Variants in KCNQ1 observed in about 807,000 individuals in gnomAD.
KCNQ1 encodes potassium voltage-gated channel subfamily Q member 1.
A neutral mutation model predicts 72.4 loss-of-function variants in KCNQ1; 49 were observed. The ratio of observed to expected loss-of-function variants is 0.68; its 90% CI spans 0.54 to 0.86. KCNQ1 has a LOEUF of 0.86. KCNQ1 is among the 40% of genes least tolerant of loss of function. The pLI, the probability that KCNQ1 is intolerant of heterozygous loss-of-function variation, is 0.00. For synonymous variants in KCNQ1, 450 were observed against 412.6 expected, an observed-to-expected ratio of 1.09 and a Z score of -1.10; for missense variants, 790 against 945.1, an observed-to-expected ratio of 0.84 and a Z score of 2.15.
At chr11:2,551,144 T>C (rs1489484495) in intron 2 of KCNQ1, among the ~76,000 whole-genome samples, 4 of 152,166 alleles carry the variant, frequency 2.6e-5, no homozygotes, top group Non-Finnish European at 4.4e-5. Flanking sequence ...ACAGGAAAAC[T>C]CTCCCCCTCT....
Position 2,813,685 on chromosome 11 carries a change from C to T in KCNQ1, c.1795-34082C>T, listed in dbSNP as rs534403570. On this transcript the variant is annotated intron_variant, in intron 15 of 15. Transcript: ENST00000155840. The surrounding 1 kb of genome is among the most constrained non-coding windows in gnomAD (Gnocchi z 4.4). ...TTTAGTCGGTGGTGGGCTGTCACTC[C>T]GGAGGCCAGTGACTGCGTCATCAGT... 4.6e-5 allele frequency among the ~76,000 whole-genome samples: 7 copies of T among 152,184 alleles called. No individual in the cohort carries two copies. Among genetic ancestry groups the T allele is most frequent in the South Asian group, 4.1e-4 (2 of 4,822 alleles).
rs61517390 is a variant in KCNQ1 at position 2,824,775 on chromosome 11, CCCTGGGTT to C, written c.1795-22989_1795-22982del. On this transcript the variant is annotated intron_variant, in intron 15 of 15. Coordinates refer to ENST00000155840, the MANE Select transcript of KCNQ1 (RefSeq NM_000218.3). This position sits in a 1 kb window ranked among gnomAD's most constrained non-coding sequence, Gnocchi z 5.9. ...GGGACAGCTTTGAGGAAGGAACGTC[CCCTGGGTT>C]CCACACCACAGAGCCATAGAATTCT... 0.2 allele frequency among the ~76,000 whole-genome samples: 30,545 copies of C among 151,988 alleles called. 3,347 individuals are homozygous for C. The highest frequency in any genetic ancestry group is 0.26 in the Non-Finnish European group (17,700 of 67,874).
Position 2,848,503 on chromosome 11 carries a change from G to A in KCNQ1, c.*500G>A, listed in dbSNP as rs1331485407. On this transcript the variant is annotated 3_prime_UTR_variant, in exon 16 of 16. Transcript: ENST00000155840. ...GGCCGCCGGCAATAAAAGCCCAGGA[G>A]CCCATTTGGAGGGCCTGGGCCTGGC... 2.2e-6 allele frequency: 1 copy of A among 455,722 alleles called. No individual in the cohort carries two copies. The highest frequency in any genetic ancestry group is 1.6e-5 in the South Asian group (1 of 64,482). The allele number at this position is 455,722 out of a possible 1,614,324, so 28.2% of individuals were successfully genotyped here.
chr11:2,569,234 C>T (rs1253635110), intron 2 of KCNQ1, among the ~76,000 whole-genome samples: 4 of 152,324 alleles, frequency 2.6e-5, no homozygotes, highest in South Asian at 2.1e-4. Flanking sequence ...TGCACCTGTC[C>T]GCACACACCC....
chr11:2,680,104 C>T (rs182330668), intron 11 of KCNQ1: 10 of 395,362 alleles, frequency 2.5e-5, no homozygotes, highest in Non-Finnish European at 4.4e-5. Flanking sequence ...GTTGGCCAGG[C>T]TGGTCTCAAA....
At chr11:2,719,704 C>T (rs67886747) in intron 11 of KCNQ1, among the ~76,000 whole-genome samples, 2 of 152,014 alleles carry the variant, frequency 1.3e-5, no homozygotes, top group Admixed American at 1.3e-4. Context: ...GTAGGAAGTC[C>T]TGCCCTCGGA....
intron 2 of KCNQ1, among the ~76,000 whole-genome samples, chr11:2,560,695 C>T (rs1848151970): frequency 6.6e-6 from 1 of 152,106 alleles, no homozygotes; most frequent in Non-Finnish European, 1.5e-5. Context: ...GGGAGGGAGA[C>T]ACACCTGTCC....
intron 6 of KCNQ1, among the ~76,000 whole-genome samples, chr11:2,574,927 G>A (rs776581485): frequency 2.0e-5 from 3 of 152,070 alleles, no homozygotes; most frequent in Non-Finnish European, 2.9e-5. Flanking sequence ...GCCCCCCTGC[G>A]GGAGCCTGCC....
rs75159634 is a variant in KCNQ1 at position 2,772,570 on chromosome 11, G to A, written c.1591-3390G>A. Among the ~76,000 whole-genome samples the A allele has an allele frequency of 3.1e-3, 473 of 152,242 alleles. 4 individuals carry two copies. Among genetic ancestry groups the A allele is most frequent in the African/African-American group, 0.011 (449 of 41,532 alleles). ...AGTCTCTGTGGGCTGGGATGCCACCGGGCCGTGGGTCCTCATGGTCTGCGG... is the reference window on the plus strand; with the variant it reads ...AGTCTCTGTGGGCTGGGATGCCACCAGGCCGTGGGTCCTCATGGTCTGCGG... On this transcript the variant is annotated intron_variant, in intron 12 of 15. Transcript: ENST00000155840. This position sits in a 1 kb window ranked among gnomAD's most constrained non-coding sequence, Gnocchi z 6.6.
intron 10 of KCNQ1, chr11:2,643,349 G>A (rs1379603119): frequency 2.5e-6 from 1 of 398,256 alleles, no homozygotes; most frequent in Non-Finnish European, 4.4e-6. Context: ...GGTGTTGGGT[G>A]CATATATGTT....
intron 1 of KCNQ1, among the ~76,000 whole-genome samples, chr11:2,522,075 G>A (rs950087467): frequency 1.3e-5 from 2 of 152,216 alleles, no homozygotes; most frequent in African/African-American, 2.4e-5. Flanking sequence ...AAATGATGTC[G>A]GATAATTCAC....
rs1357407853 is a variant in KCNQ1, at chr11:2,724,948, C to T, written c.1515-43896C>T. Among the ~76,000 whole-genome samples, 1 of 152,168 alleles carries T rather than the reference C, an allele frequency of 6.6e-6. No individual in the cohort carries two copies. The highest frequency in any genetic ancestry group is 1.5e-5 in the Non-Finnish European group (1 of 68,042). On this transcript the variant is annotated intron_variant, in intron 11 of 15. Coordinates refer to ENST00000155840, the MANE Select transcript of KCNQ1 (RefSeq NM_000218.3). The surrounding 1 kb of genome is among the most constrained non-coding windows in gnomAD (Gnocchi z 6.8). ...AGTAACCTGGACAGGGTGCCGAGGG[C>T]AGGGTCTGGTGTGGCTATCAGGAGC...
intron 15 of KCNQ1, among the ~76,000 whole-genome samples, chr11:2,838,560 C>T (rs765775370): frequency 5.3e-5 from 8 of 152,072 alleles, no homozygotes; most frequent in Non-Finnish European, 1.0e-4. Context: ...CTTCCGGGGA[C>T]AGCGAGGGGT....
rs540416603 is a variant in KCNQ1 at position 2,666,418 on chromosome 11, C to T, written c.1514+4337C>T. 141 of 398,652 alleles carry T rather than the reference C, an allele frequency of 3.5e-4. 1 individual carries two copies. The highest frequency in any genetic ancestry group is 2.5e-3 in the African/African-American group (120 of 48,750). 24.7% of individuals were successfully genotyped at this position (398,652 alleles called of 1,614,324 possible). On this transcript the variant is annotated intron_variant, in intron 11 of 15. Coordinates refer to ENST00000155840, the MANE Select transcript of KCNQ1 (RefSeq NM_000218.3). ...CCTTGAGCAAAAACAGCCCCGTGTG[C>T]GTTAATTAGAATTTCCATGTCTTCA...
rs1462482019 is a variant in KCNQ1, at chr11:2,483,172, T to C, written c.386+37688T>C. On this transcript the variant is annotated intron_variant, in intron 1 of 15. Transcript: ENST00000155840. The surrounding 1 kb of genome is among the most constrained non-coding windows in gnomAD (Gnocchi z 6.1). Reference sequence around the variant, plus strand: ...CTGTGTTGGGAACGTGCTTGGTGCATGTGAAGAACTGTGCAGGGAAGGTGC... The same window carrying C: ...CTGTGTTGGGAACGTGCTTGGTGCACGTGAAGAACTGTGCAGGGAAGGTGC... Among the ~76,000 whole-genome samples the C allele has an allele frequency of 3.9e-5, 6 of 152,062 alleles. No homozygotes were observed. The highest frequency in any genetic ancestry group is 8.8e-5 in the Non-Finnish European group (6 of 68,014).
rs956278325 is a variant in KCNQ1 at position 2,565,391 on chromosome 11, G to A, written c.478-5237G>A. On this transcript the variant is annotated intron_variant, in intron 2 of 15. Transcript: ENST00000155840. The surrounding 1 kb of genome is among the most constrained non-coding windows in gnomAD (Gnocchi z 5.6). ...GATTAGTGACACTGGGCACCTCTCC[G>A]TGTGCCTCTTGGCCATCTGTGTATC... 3.9e-5 allele frequency among the ~76,000 whole-genome samples: 6 copies of A among 152,144 alleles called. No individual in the cohort carries two copies. The highest frequency in any genetic ancestry group is 1.9e-4 in the East Asian group (1 of 5,190).
chr11:2,476,376 G>C (rs1477142964), intron 1 of KCNQ1, among the ~76,000 whole-genome samples: 2 of 152,154 alleles, frequency 1.3e-5, no homozygotes, highest in African/African-American at 4.8e-5. Context: ...CTGTGTAATA[G>C]ATCTGAACAT....
intron 6 of KCNQ1, among the ~76,000 whole-genome samples, chr11:2,574,979 C>A (rs898148746): frequency 2.6e-5 from 4 of 152,166 alleles, no homozygotes; most frequent in African/African-American, 9.7e-5. Context: ...GGGGGATGGA[C>A]GGCCCAGAGC....
In KCNQ1 at chr11:2,669,373, T is replaced by C. The variant is rs890691242; in HGVS notation, c.1514+7292T>C. 2.3e-5 allele frequency: 9 copies of C among 398,530 alleles called. No individual in the cohort carries two copies. Among genetic ancestry groups the C allele is most frequent in the Middle Eastern group, 6.2e-4 (1 of 1,610 alleles). The allele number at this position is 398,530 out of a possible 1,614,324, so 24.7% of individuals were successfully genotyped here. A position where few individuals can be genotyped will look rare whatever the true frequency, so the allele number is the denominator to read the frequency against. On this transcript the variant is annotated intron_variant, in intron 11 of 15. Transcript: ENST00000155840. This position sits in a 1 kb window ranked among gnomAD's most constrained non-coding sequence, Gnocchi z 5.6. ...GGGCATGGGAGAATGGGTATCCTTA[T>C]AGTTTTGGGGCTCCTGAAACATGGC...
Sources: allele counts gnomAD v4.1 joint callset (sites outside exome capture counted in the v4.1 genomes callset), GRCh38; gene constraint gnomAD v4.1.1; non-coding constraint Gnocchi (gnomAD v3.1); transcripts MANE v1.5; gene names NCBI Gene and HGNC (gene_info 2026-07-23, HGNC 2026-07-21).